The following KCTD8 variants were observed in gnomAD, a reference collection of about 807,000 sequenced individuals.
KCTD8 encodes BTB/POZ domain-containing protein KCTD8.
A neutral mutation model predicts 31.5 loss-of-function variants in KCTD8; 27 were observed. The observed-to-expected ratio is 0.86, with a 90% CI of 0.63 to 1.18. The LOEUF (loss-of-function observed/expected upper bound fraction) is 1.18, where lower values mean the gene tolerates loss of function less well. KCTD8 is among the 50% of genes most tolerant of loss of function. The probability of loss-of-function intolerance (pLI) is 0.00; values close to 1 mark genes in which losing one functional copy is unlikely to be tolerated. For missense variants in KCTD8, 658 were observed against 647.7 expected, an observed-to-expected ratio of 1.02 and a Z score of -0.17; for synonymous variants, 290 against 280.0, an observed-to-expected ratio of 1.04 and a Z score of -0.36.
intron 1 of KCTD8, among the ~76,000 whole-genome samples, chr4:44,345,479 A>T (rs1719012998): frequency 6.6e-6 from 1 of 152,118 alleles, no homozygotes; most frequent in Admixed American, 6.5e-5. Flanking sequence ...ACCTGTAGAG[A>T]TAGTTAAAAT....
At chr4:44,433,468 C>A (rs1721562400) in intron 1 of KCTD8, among the ~76,000 whole-genome samples, 1 of 151,718 alleles carries the variant, frequency 6.6e-6, no homozygotes, top group Admixed American at 6.6e-5. Context: ...ATGAGAAATT[C>A]AAGGAAGGTT....
chr4:44,184,227 G>A (rs1325243322), intron 1 of KCTD8, among the ~76,000 whole-genome samples: 1 of 152,142 alleles, frequency 6.6e-6, no homozygotes, highest in Non-Finnish European at 1.5e-5. Flanking sequence ...GTGAGCTAAG[G>A]AATGGGGTCA....
At chr4:44,439,912 ATTT>A (rs1721776173) in intron 1 of KCTD8, among the ~76,000 whole-genome samples, 1 of 145,150 alleles carries the variant, frequency 6.9e-6, no homozygotes, top group Non-Finnish European at 1.5e-5. Context: ...TTATTTATTT[ATTT>A]ATTTATTTAT....
intron 1 of KCTD8, among the ~76,000 whole-genome samples, chr4:44,318,416 T>C (rs564721393): frequency 6.6e-6 from 1 of 152,162 alleles, no homozygotes; most frequent in Non-Finnish European, 1.5e-5. Flanking sequence ...AAATTTCTGA[T>C]GGGTCTATGA....
chr4:44,446,248 A>C (rs1721935703), intron 1 of KCTD8, among the ~76,000 whole-genome samples: 1 of 152,216 alleles, frequency 6.6e-6, no homozygotes, highest in Non-Finnish European at 1.5e-5. Context: ...TCTCCAGTCA[A>C]AATAAAGTCC....
At chr4:44,323,450 C>T (rs1040212736) in intron 1 of KCTD8, among the ~76,000 whole-genome samples, 22 of 151,374 alleles carry the variant, frequency 1.5e-4, no homozygotes, top group Admixed American at 1.2e-3. Context: ...GCTGAGATTG[C>T]GCCACTGCAC....
intron 1 of KCTD8, among the ~76,000 whole-genome samples, chr4:44,247,268 A>G (rs984920376): frequency 5.3e-5 from 8 of 151,948 alleles, no homozygotes; most frequent in African/African-American, 1.9e-4. Context: ...AAAGGGAAAA[A>G]AAAGCATCTT....
At position 44,319,544 on chromosome 4, in the gene KCTD8, AAAT is replaced by A. The variant is rs529305681; in HGVS notation, c.961+128016_961+128018del. Among the ~76,000 whole-genome samples the A allele has an allele frequency of 9.2e-5, 14 of 152,214 alleles. No individual in the cohort carries two copies. In the South Asian group the frequency reaches 2.9e-3, roughly 32 times the overall value. On this transcript the variant is annotated intron_variant, in intron 1 of 1. Coordinates refer to ENST00000360029, the MANE Select transcript of KCTD8 (RefSeq NM_198353.3). ...GATTACAGTAAAATGCTTAAATATA[AAAT>A]AATAGATAAATCACTTCTACGCCAT...
chr4:44,251,874 A>G (rs566044314), intron 1 of KCTD8, among the ~76,000 whole-genome samples: 4 of 151,078 alleles, frequency 2.6e-5, no homozygotes, highest in Non-Finnish European at 5.9e-5. Flanking sequence ...TTTAATTATT[A>G]TTTCAATAGG....
chr4:44,310,906 T>C (rs1052380738), intron 1 of KCTD8, among the ~76,000 whole-genome samples: 1 of 152,100 alleles, frequency 6.6e-6, no homozygotes, highest in African/African-American at 2.4e-5. Flanking sequence ...TATAAATCCA[T>C]TTATTTCACA....
Position 44,448,419 on chromosome 4 carries a change from C to T in KCTD8, c.105G>A (p.Gly35=). Residue 35 remains glycine, a synonymous_variant, in exon 1 of 2, where the codon GGG becomes GGA. Transcript: ENST00000360029. The surrounding 1 kb of genome is among the most constrained non-coding windows in gnomAD (Gnocchi z 4.1). ...SPGASAAAAP[G]PCAPSPFPEV... is the part of the protein sequence containing the mutation. ...CAGGGAAGGGCGAGGGTGCGCAGGGCCCCGGGGCGGCGGCGGCCGACGCGC... is the reference window on the plus strand; with the variant it reads ...CAGGGAAGGGCGAGGGTGCGCAGGGTCCCGGGGCGGCGGCGGCCGACGCGC... The T allele has an allele frequency of 6.4e-7, 1 of 1,564,342 alleles. No individual in the cohort carries two copies. Among genetic ancestry groups the T allele is most frequent in the South Asian group, 1.2e-5 (1 of 83,466 alleles).
chr4:44,216,335 G>C (rs1194002031), intron 1 of KCTD8, among the ~76,000 whole-genome samples: 1 of 152,044 alleles, frequency 6.6e-6, no homozygotes, highest in Non-Finnish European at 1.5e-5. Flanking sequence ...ATTATTACTA[G>C]GTTTTGCTGG....
chr4:44,183,795 T>C lies in KCTD8; in HGVS notation c.962-8545A>G, dbSNP rs1216599003. On this transcript the variant is annotated intron_variant, in intron 1 of 1. Transcript: ENST00000360029. The stretch of plus-strand genomic sequence containing the variant: ...TTTAATCTCTTTACCTGCCCAGTGA[T>C]GATAAAACATGATAGGTATGTAAAA... Among the ~76,000 whole-genome samples the C allele has an allele frequency of 2.0e-5, 3 of 152,208 alleles. No homozygotes were observed. The East Asian group carries it at 5.8e-4, about 29-fold the overall frequency.
At chr4:44,330,058 A>G (rs927647527) in intron 1 of KCTD8, among the ~76,000 whole-genome samples, 1 of 149,356 alleles carries the variant, frequency 6.7e-6, no homozygotes, top group Non-Finnish European at 1.5e-5. Flanking sequence ...ATCAATTCAG[A>G]AAAAAAATGC....
chr4:44,302,601 G>C (rs1199481050), intron 1 of KCTD8, among the ~76,000 whole-genome samples: 1 of 152,016 alleles, frequency 6.6e-6, no homozygotes. Flanking sequence ...TTACTTATCA[G>C]CTTAAGGAGA....
intron 1 of KCTD8, among the ~76,000 whole-genome samples, chr4:44,213,023 C>T (rs1309592162): frequency 1.3e-5 from 2 of 152,020 alleles, no homozygotes; most frequent in Admixed American, 6.5e-5. Context: ...CTGCAAGCTC[C>T]GCTTCCCCTG....
At chr4:44,439,751 A>G (rs1721769053) in intron 1 of KCTD8, among the ~76,000 whole-genome samples, 1 of 152,052 alleles carries the variant, frequency 6.6e-6, no homozygotes, top group Non-Finnish European at 1.5e-5. Flanking sequence ...TCAGGAGGCA[A>G]TATTCTCTTT....
chr4:44,358,887 C>T (rs1719425342), intron 1 of KCTD8, among the ~76,000 whole-genome samples: 1 of 152,182 alleles, frequency 6.6e-6, no homozygotes, highest in African/African-American at 2.4e-5. Context: ...GATGGTATCT[C>T]ACTGTGGTTT....
intron 1 of KCTD8, among the ~76,000 whole-genome samples, chr4:44,324,833 T>C (rs1452398660): frequency 6.6e-6 from 1 of 152,012 alleles, no homozygotes; most frequent in African/African-American, 2.4e-5. Context: ...ATATTATCAA[T>C]TACTTCTCTT....
Sources: allele counts gnomAD v4.1 joint callset (sites outside exome capture counted in the v4.1 genomes callset), GRCh38; gene constraint gnomAD v4.1.1; non-coding constraint Gnocchi (gnomAD v3.1); transcripts MANE v1.5; gene names NCBI Gene and HGNC (gene_info 2026-07-23, HGNC 2026-07-21).